NISCH: variants seen among roughly 807,000 people sequenced by gnomAD.
NISCH encodes nischarin, also known as I-1 receptor candidate protein.
A neutral mutation model predicts 138.4 loss-of-function variants in NISCH; 55 were observed. The ratio of observed to expected loss-of-function variants is 0.40; its 90% CI spans 0.32 to 0.50. The LOEUF (loss-of-function observed/expected upper bound fraction) is 0.50. Among genes scored for constraint, NISCH ranks in the 20% least tolerant of loss-of-function variants. The pLI is 0.71. For synonymous variants in NISCH, 860 were observed against 861.5 expected (o/e 1.00, Z 0.03); for missense variants, 1,643 against 2,005.5 (o/e 0.82, Z 3.45).
chr3:52,492,564 T>G lies in NISCH; in HGVS notation c.*82T>G. The G allele has an allele frequency of 6.9e-7, 1 of 1,439,136 alleles. No homozygotes were observed. Among genetic ancestry groups the G allele is most frequent in the Non-Finnish European group, 9.2e-7 (1 of 1,091,942 alleles). The allele number at this position is 1,439,136 out of a possible 1,614,324, so 89.1% of individuals were successfully genotyped here. The stretch of plus-strand genomic sequence containing the variant: ...AGGCTTTTGTGTTCTCTAAAAATGT[T>G]TTATCCTCCCTTTGGTACCTTAATT... On this transcript the variant is annotated 3_prime_UTR_variant, in exon 21 of 21. Coordinates refer to ENST00000345716, the MANE Select transcript of NISCH (RefSeq NM_007184.4).
intron 13 of NISCH, among the ~76,000 whole-genome samples, chr3:52,482,682 G>A (rs1475416977): frequency 2.6e-5 from 4 of 152,220 alleles, no homozygotes; most frequent in Non-Finnish European, 5.9e-5. Flanking sequence ...GCTGGTATTC[G>A]AGATGGAGTC....
intron 7 of NISCH, among the ~76,000 whole-genome samples, chr3:52,474,329 C>G (rs756570268): frequency 4.5e-4 from 69 of 151,856 alleles, no homozygotes; most frequent in Non-Finnish European, 8.5e-4. Flanking sequence ...CAGAGTTTTG[C>G]TCTGTCACCC....
At position 52,488,275 on chromosome 3, in the gene NISCH, C is replaced by G; in HGVS notation, c.2783C>G (p.Pro928Arg). The G allele has an allele frequency of 6.2e-7, 1 of 1,610,458 alleles. No individual in the cohort carries two copies. Among genetic ancestry groups the G allele is most frequent in the Non-Finnish European group, 8.5e-7 (1 of 1,179,988 alleles). The change falls in exon 16 of 21, where the codon CCC (proline) becomes CGC (arginine). Residue 928 changes from proline (P) to arginine (R), a missense_variant. Transcript: ENST00000345716. Reference protein sequence around the residue: ...NVIKADFNPMPNRGTHNCRNR... With the variant: ...NVIKADFNPMRNRGTHNCRNR... ...ATCAAGGCCGACTTCAACCCCATGC[C>G]CAACCGTGGCACCCACAACTGTCGC...
Position 52,490,229 on chromosome 3 carries a change from A to G in NISCH, c.3611A>G (p.Gln1204Arg). The G allele has an allele frequency of 6.2e-7, 1 of 1,612,216 alleles. No individual in the cohort carries two copies. ...GLRRYFSEPL[Q>R]DFWHQKNTDY... ...CGCCGCTACTTCTCAGAGCCACTGC[A>G]GGGTAGGCACAGGGCCTGCTGGGGC... The change falls in exon 18 of 21, where the codon CAG becomes CGG. Residue 1204 changes from glutamine to arginine, a missense_variant and splice_region_variant. Transcript: ENST00000345716.
intron 6 of NISCH, among the ~76,000 whole-genome samples, chr3:52,473,388 C>G (rs1707004227): frequency 6.6e-6 from 1 of 152,156 alleles, no homozygotes; most frequent in South Asian, 2.1e-4. Flanking sequence ...GAGGATCCAC[C>G]CCACTCGCTG....
Position 52,492,489 on chromosome 3 carries a change from C to CCA in NISCH, c.*10_*11dup. 1 of 1,583,246 alleles carries CCA rather than the reference C, an allele frequency of 6.3e-7. No individual in the cohort carries two copies. The highest frequency in any genetic ancestry group is 8.6e-7 in the Non-Finnish European group (1 of 1,165,374). Reference sequence around the variant, plus strand: ...TGTCGAGCTCACCGGCTAGCCCAGGCCACAGCCAGCCTGTCGTGTCCAGCC... The same window carrying CCA: ...TGTCGAGCTCACCGGCTAGCCCAGGCCACACAGCCAGCCTGTCGTGTCCAGCC... On this transcript the variant is annotated 3_prime_UTR_variant, in exon 21 of 21. Coordinates refer to ENST00000345716, the MANE Select transcript of NISCH (RefSeq NM_007184.4).
Position 52,487,068 on chromosome 3 carries a change from G to A in NISCH, c.1704-128G>A. 9.5e-7 allele frequency: 1 copy of A among 1,054,738 alleles called. No homozygotes were observed. The highest frequency in any genetic ancestry group is 1.4e-6 in the Non-Finnish European group (1 of 737,456). 65.3% of individuals were successfully genotyped at this position (1,054,738 alleles called of 1,614,324 possible). ...ATCCTGGGAACTGACTTGGCCATGT[G>A]GGAGGCTTGGGAGACCCATGGGTTG... On this transcript the variant is annotated intron_variant, in intron 15 of 20. Coordinates refer to ENST00000345716, the MANE Select transcript of NISCH (RefSeq NM_007184.4). This position sits in a 1 kb window ranked among gnomAD's most constrained non-coding sequence, Gnocchi z 9.1.
Position 52,471,941 on chromosome 3 carries a change from C to T in NISCH, c.537C>T (p.His179=), listed in dbSNP as rs745456136. 6.2e-7 allele frequency: 1 copy of T among 1,608,566 alleles called. No individual in the cohort carries two copies. The highest frequency in any genetic ancestry group is 2.2e-5 in the East Asian group (1 of 44,726). Residue 179 remains histidine, a synonymous_variant, in exon 5 of 21, where the codon CAC becomes CAT. Coordinates refer to ENST00000345716, the MANE Select transcript of NISCH (RefSeq NM_007184.4). ...GGGATGCCAAGACCGACCTCGGGCA[C>T]ATCCTGGACTTCACCTGTCGCCTTA... is the stretch of plus-strand genomic sequence containing the variant. The part of the protein sequence containing the change: ...ASGDAKTDLG[H]ILDFTCRLKY...
At chr3:52,474,490 G>T (rs1010464799) in intron 7 of NISCH, among the ~76,000 whole-genome samples, 7 of 152,136 alleles carry the variant, frequency 4.6e-5, no homozygotes, top group African/African-American at 1.7e-4. Context: ...TAGAGACGGG[G>T]TTTCACCATG....
In NISCH at chr3:52,491,909, C is replaced by T. The variant is rs776658354; in HGVS notation, c.3942C>T (p.Arg1314=). 67 of 1,611,186 alleles carry T rather than the reference C, an allele frequency of 4.2e-5. No homozygotes were observed. In the Middle Eastern group the frequency reaches 6.6e-4, roughly 16 times the overall value. ...MENYELIHSS[R]VKFTYPSEEE... ...ACTACGAGCTGATCCACTCTAGTCGCGTCAAGTTTACCTACCCCAGTGAGG... is the reference window on the plus strand; with the variant it reads ...ACTACGAGCTGATCCACTCTAGTCGTGTCAAGTTTACCTACCCCAGTGAGG... The change falls in exon 21 of 21, where the codon CGC becomes CGT. Residue 1314 remains arginine (R), a synonymous_variant. Coordinates refer to ENST00000345716, the MANE Select transcript of NISCH (RefSeq NM_007184.4).
At chr3:52,482,221 G>A (rs1707294256) in intron 13 of NISCH, among the ~76,000 whole-genome samples, 1 of 152,212 alleles carries the variant, frequency 6.6e-6, no homozygotes, top group South Asian at 2.1e-4. Context: ...TAGCGCGTGG[G>A]AGCAGCTTTG....
chr3:52,491,835 G>T, intron 20 of NISCH, 37 bp from the exon 21 acceptor site: 1 of 1,534,110 alleles, frequency 6.5e-7, no homozygotes, highest in South Asian at 1.3e-5. Flanking sequence ...ACCAGGGGCC[G>T]GTTCCAGGCT....
At chr3:52,461,027 G>T (rs1263838048) in intron 3 of NISCH, among the ~76,000 whole-genome samples, 2 of 152,102 alleles carry the variant, frequency 1.3e-5, no homozygotes, top group African/African-American at 4.8e-5. Context: ...ATCACTTGAG[G>T]CCAGGAGTTC....
rs60665579 is a variant in NISCH at position 52,492,826 on chromosome 3, T to TTGTTGCTGTTGC, written c.*374_*385dup. ...TTCCTGAAGTGTCGAGTCCAGTCCT[T>TTGTTGCTGTTGC]TGTTGCTGTTGCTGTTGCTGTTGCT... On this transcript the variant is annotated 3_prime_UTR_variant, in exon 21 of 21. Transcript: ENST00000345716. The TTGTTGCTGTTGC allele has an allele frequency of 2.4e-5, 5 of 208,622 alleles. No homozygotes were observed. The highest frequency in any genetic ancestry group is 1.3e-4 in the East Asian group (1 of 7,730). The allele number at this position is 208,622 out of a possible 1,614,324, so 12.9% of individuals were successfully genotyped here. A position where few individuals can be genotyped will look rare whatever the true frequency, so the allele number is the denominator to read the frequency against.
intron 4 of NISCH, chr3:52,471,435 C>A: frequency 3.1e-6 from 1 of 324,210 alleles, no homozygotes; most frequent in Non-Finnish European, 5.8e-6. Context: ...ACCACGCTGG[C>A]ACCATAGGCC....
At chr3:52,460,186 CAAA>C (rs60865450) in intron 3 of NISCH, among the ~76,000 whole-genome samples, 5 of 56,190 alleles carry the variant, frequency 8.9e-5, no homozygotes, top group Admixed American at 2.9e-4. Flanking sequence ...GACTTCATCT[CAAA>C]AAAAAAAAAA....
chr3:52,484,563 G>T lies in NISCH; in HGVS notation c.1579G>T (p.Asp527Tyr), dbSNP rs768936281. 1.3e-5 allele frequency: 21 copies of T among 1,605,164 alleles called. No individual in the cohort carries two copies. The Admixed American group carries it at 1.9e-4, about 14-fold the overall frequency. ...CCTGGCCAGCAGCCTCTCGTCCACT[G>T]ACAGTCTGACTCCCGAGCACCAGCC... ...EALASSLSST[D>Y]SLTPEHQPIA... The change falls in exon 14 of 21, where the codon GAC becomes TAC. Residue 527 changes from aspartate to tyrosine, a missense_variant. Transcript: ENST00000345716.
rs1245711848 is a variant in NISCH at position 52,489,505 on chromosome 3, C to T, written c.3283C>T (p.Pro1095Ser). Reference sequence around the variant, plus strand: ...CCCAGAGGAGACGCCAGTGGAAGCTCCAGCCCCACCCCCAGCCGAGGCCCC... The same window carrying T: ...CCCAGAGGAGACGCCAGTGGAAGCTTCAGCCCCACCCCCAGCCGAGGCCCC... Reference protein sequence around the residue: ...LVPEETPVEAPAPPPAEAPAQ... With the variant: ...LVPEETPVEASAPPPAEAPAQ... Residue 1095 changes from proline to serine, a missense_variant, in exon 17 of 21, where the codon CCA becomes TCA. Pro to Ser is a moderately conservative substitution (Grantham distance 74, BLOSUM62 -1). Coordinates refer to ENST00000345716, the MANE Select transcript of NISCH (RefSeq NM_007184.4). The T allele has an allele frequency of 1.2e-6, 2 of 1,612,090 alleles. No individual in the cohort carries two copies. Among genetic ancestry groups the T allele is most frequent in the Admixed American group, 1.7e-5 (1 of 60,026 alleles).
chr3:52,455,865 G>T, intron 1 of NISCH, 131 bp downstream of exon 1: 2 of 615,524 alleles, frequency 3.2e-6, no homozygotes, highest in Non-Finnish European at 4.7e-6. Flanking sequence ...TTGCGAGGAG[G>T]GGGCTGGGAC....
Sources: allele counts gnomAD v4.1 joint callset (sites outside exome capture counted in the v4.1 genomes callset), GRCh38; gene constraint gnomAD v4.1.1; non-coding constraint Gnocchi (gnomAD v3.1); transcripts MANE v1.5; gene names NCBI Gene and HGNC (gene_info 2026-07-23, HGNC 2026-07-21).